PCDHGA10: variants seen among roughly 807,000 people sequenced by gnomAD.
PCDHGA10 encodes the protein protocadherin gamma-A10.
In PCDHGA10, 42 loss-of-function variants were observed where a neutral mutation model predicts 59.5. That is an observed-to-expected ratio of 0.71 (90% CI 0.55 to 0.91). PCDHGA10 has a LOEUF of 0.91. PCDHGA10 is among the 40% of genes least tolerant of loss of function. The pLI is 0.00. For missense variants in PCDHGA10, 1,111 were observed against 1,198.2 expected, an observed-to-expected ratio of 0.93 and a Z score of 1.07; for synonymous variants, 511 against 517.2, an observed-to-expected ratio of 0.99 and a Z score of 0.16.
At chr5:141,421,418 G>A (rs771088122) in intron 1 of PCDHGA10, 1 of 1,614,086 alleles carries the variant, frequency 6.2e-7, no homozygotes, top group Admixed American at 1.7e-5. Flanking sequence ...GCGAAGCGCG[G>A]AGTCCGCATC....
In PCDHGA10 at chr5:141,485,099, G is replaced by T; in HGVS notation, c.2437-9708G>T. The T allele has an allele frequency of 8.7e-7, 1 of 1,145,218 alleles. No individual in the cohort carries two copies. Among genetic ancestry groups the T allele is most frequent in the Non-Finnish European group, 1.3e-6 (1 of 775,682 alleles). 70.9% of individuals were successfully genotyped at this position (1,145,218 alleles called of 1,614,324 possible). A position where few individuals can be genotyped will look rare whatever the true frequency, so the allele number is the denominator to read the frequency against. ...GGGGAAAGGGAGATAGGTGTCTCCA[G>T]CTGCTGTGGCTGTTTGGGGCGGGTC... On this transcript the variant is annotated intron_variant, in intron 1 of 3. Transcript: ENST00000398610. The surrounding 1 kb of genome is among the most constrained non-coding windows in gnomAD (Gnocchi z 5.7).
At chr5:141,418,130 G>A in intron 1 of PCDHGA10, 3 of 1,614,106 alleles carry the variant, frequency 1.9e-6, no homozygotes, top group Non-Finnish European at 2.5e-6. Flanking sequence ...GGACCGAATA[G>A]ACCGTGAGCA....
At chr5:141,422,886 G>A in intron 1 of PCDHGA10, 1 of 1,614,260 alleles carries the variant, frequency 6.2e-7, no homozygotes, top group Non-Finnish European at 8.5e-7. Flanking sequence ...GCCTGTTCGT[G>A]CTGGACCAGA....
At chr5:141,427,840 A>C (rs779622800) in intron 1 of PCDHGA10, 8 of 1,548,180 alleles carry the variant, frequency 5.2e-6, no homozygotes, top group Admixed American at 3.3e-5. Flanking sequence ...CGTGCCTTCG[A>C]CCACGAGCAG....
In PCDHGA10 at chr5:141,477,028, G is replaced by A. The variant is rs1015508317; in HGVS notation, c.2437-17779G>A. On this transcript the variant is annotated intron_variant, in intron 1 of 3. Coordinates refer to ENST00000398610, the MANE Select transcript of PCDHGA10 (RefSeq NM_018913.3). The surrounding 1 kb of genome is among the most constrained non-coding windows in gnomAD (Gnocchi z 4.9). ...CCTTAGACCTTGTAACCGGGATGCT[G>A]ACAATCAAGGGTCGGCTGGACTTCG... The A allele has an allele frequency of 2.5e-6, 4 of 1,614,146 alleles. No homozygotes were observed. The highest frequency in any genetic ancestry group is 1.7e-5 in the Admixed American group (1 of 60,018).
In PCDHGA10 at chr5:141,450,826, A is replaced by AT. The variant is rs764729742; in HGVS notation, c.2436+35217dup. On this transcript the variant is annotated intron_variant, in intron 1 of 3. Coordinates refer to ENST00000398610, the MANE Select transcript of PCDHGA10 (RefSeq NM_018913.3). ...TATTTATTTATTTAATATTATTATT[A>AT]TTATTTTTTTTTTTTTGAGATGGGG... Among the ~76,000 whole-genome samples, 613 of 134,334 alleles carry AT rather than the reference A, an allele frequency of 4.6e-3. 5 individuals are homozygous for AT. Among genetic ancestry groups the AT allele is most frequent in the African/African-American group, 9.0e-3 (309 of 34,288 alleles). 88.1% of individuals were successfully genotyped at this position (134,334 alleles called of 152,430 possible).
chr5:141,506,280 C>CT (rs1455257972), intron 3 of PCDHGA10, among the ~76,000 whole-genome samples: 1 of 152,024 alleles, frequency 6.6e-6, no homozygotes, highest in Non-Finnish European at 1.5e-5. Flanking sequence ...GAAACCCTGT[C>CT]TCTACTAAAA....
chr5:141,421,161 T>C (rs2096550274), intron 1 of PCDHGA10: 7 of 1,259,920 alleles, frequency 5.6e-6, no homozygotes, highest in Non-Finnish European at 7.5e-6. Flanking sequence ...TAGGACTTCA[T>C]AGATACATAA....
chr5:141,429,879 A>T (rs2097250861), intron 1 of PCDHGA10, among the ~76,000 whole-genome samples: 1 of 152,210 alleles, frequency 6.6e-6, no homozygotes, highest in African/African-American at 2.4e-5. Context: ...TCTTTTACTA[A>T]GTTTCCTGAA....
intron 2 of PCDHGA10, 149 bp from the exon 3 acceptor site, chr5:141,505,244 T>C (rs886952348): frequency 7.0e-7 from 1 of 1,428,216 alleles, no homozygotes; most frequent in Non-Finnish European, 9.4e-7. Context: ...TGAAGGATTG[T>C]AGAAGTGCCT....
chr5:141,491,312 C>T lies in PCDHGA10; in HGVS notation c.2437-3495C>T, dbSNP rs749198887. The stretch of plus-strand genomic sequence containing the variant: ...CACCCTCCTGAGCGTTCAGACCTTA[C>T]CCTTTACCTCATTGTGGCTCTAGCG... On this transcript the variant is annotated intron_variant, in intron 1 of 3. Transcript: ENST00000398610. The surrounding 1 kb of genome is among the most constrained non-coding windows in gnomAD (Gnocchi z 6.9). 3 of 1,614,170 alleles carry T rather than the reference C, an allele frequency of 1.9e-6. No individual in the cohort carries two copies. Among genetic ancestry groups the T allele is most frequent in the East Asian group, 4.5e-5 (2 of 44,878 alleles).
At chr5:141,507,862 G>A (rs17286954) in intron 3 of PCDHGA10, among the ~76,000 whole-genome samples, 4 of 152,076 alleles carry the variant, frequency 2.6e-5, no homozygotes, top group African/African-American at 7.2e-5. Flanking sequence ...TTTCACACCC[G>A]CTTCCTAGCC....
intron 1 of PCDHGA10, chr5:141,427,665 G>A (rs763897261): frequency 1.3e-5 from 10 of 782,298 alleles, no homozygotes; most frequent in Admixed American, 3.9e-5. Flanking sequence ...CCACGTGGCC[G>A]AAAACAACCT....
chr5:141,473,879 C>G (rs937312573), intron 1 of PCDHGA10, among the ~76,000 whole-genome samples: 2 of 152,120 alleles, frequency 1.3e-5, no homozygotes, highest in Admixed American at 1.3e-4. Context: ...AATGCATACA[C>G]AAGGGTTCTG....
rs902072815 is a variant in PCDHGA10, at chr5:141,495,024, C to A, written c.2495+159C>A. On this transcript the variant is annotated intron_variant, in intron 2 of 3. Coordinates refer to ENST00000398610, the MANE Select transcript of PCDHGA10 (RefSeq NM_018913.3). ...GGTGTGCGGGGGGCTGGCACACAGACCCCGGAAGGAAGAGGCGACTGCCCT... is the reference window on the plus strand; with the variant it reads ...GGTGTGCGGGGGGCTGGCACACAGAACCCGGAAGGAAGAGGCGACTGCCCT... The A allele has an allele frequency of 1.6e-5, 16 of 973,368 alleles. No homozygotes were observed. In the South Asian group the frequency reaches 5.7e-4, roughly 35 times the overall value. The allele number at this position is 973,368 out of a possible 1,614,324, so 60.3% of individuals were successfully genotyped here. A position where few individuals can be genotyped will look rare whatever the true frequency, so the allele number is the denominator to read the frequency against.
intron 1 of PCDHGA10, chr5:141,426,748 C>T: frequency 2.2e-6 from 1 of 455,172 alleles, no homozygotes; most frequent in African/African-American, 2.0e-5. Context: ...GGCCTGGAAT[C>T]TGCTATAGAT....
At position 141,415,040 on chromosome 5, in the gene PCDHGA10, C is replaced by A. The variant is rs772941952; in HGVS notation, c.1865C>A (p.Ala622Glu). Residue 622 changes from alanine to glutamate, a missense_variant, in exon 1 of 4, where the codon GCG becomes GAG. Physicochemically the swap from Ala to Glu is moderately radical, Grantham distance 107 (BLOSUM62 -1). Transcript: ENST00000398610. Reference protein sequence around the residue: ...LLKASEPGLFAVGEHTGEVRT... With the variant: ...LLKASEPGLFEVGEHTGEVRT... The stretch of plus-strand genomic sequence containing the variant: ...AAGGCCAGCGAGCCGGGACTCTTCG[C>A]GGTGGGGGAGCACACGGGCGAGGTG... 3 of 1,613,520 alleles carry A rather than the reference C, an allele frequency of 1.9e-6. No individual in the cohort carries two copies. The highest frequency in any genetic ancestry group is 2.5e-6 in the Non-Finnish European group (3 of 1,179,964).
At chr5:141,510,349 C>T (rs1461596705) in intron 3 of PCDHGA10, among the ~76,000 whole-genome samples, 1 of 148,468 alleles carries the variant, frequency 6.7e-6, no homozygotes, top group Non-Finnish European at 1.5e-5. Context: ...CACACACTTA[C>T]TAACGGAACT....
chr5:141,437,076 A>T (rs1018228245), intron 1 of PCDHGA10, among the ~76,000 whole-genome samples: 2 of 152,236 alleles, frequency 1.3e-5, no homozygotes, highest in African/African-American at 4.8e-5. Context: ...TTTGGGCCAT[A>T]TAAGAATTGA....
Sources: allele counts gnomAD v4.1 joint callset (sites outside exome capture counted in the v4.1 genomes callset), GRCh38; gene constraint gnomAD v4.1.1; non-coding constraint Gnocchi (gnomAD v3.1); transcripts MANE v1.5; gene names NCBI Gene and HGNC (gene_info 2026-07-23, HGNC 2026-07-21).